Variants in MID1 observed in about 807,000 individuals in gnomAD.
MID1 encodes midline 1.
In MID1, 7 loss-of-function variants were observed where a neutral mutation model predicts 40.4. That is an observed-to-expected ratio of 0.17 (90% confidence interval 0.10 to 0.33). MID1 has a LOEUF of 0.33. Ranked by LOEUF, MID1 falls within the 10% of genes least tolerant of loss-of-function variation. The pLI, the probability that MID1 is intolerant of heterozygous loss-of-function variation, is 1.00. For missense variants in MID1, 367 were observed against 558.5 expected (o/e 0.66, Z 3.46); for synonymous variants, 229 against 221.2 (o/e 1.04, Z -0.31).
intron 1 of MID1, among the ~76,000 whole-genome samples, chrX:10,813,095 CT>C (rs948956151): frequency 9.1e-6 from 1 of 110,353 alleles, no homozygotes; most frequent in African/African-American, 3.3e-5. Context: ...GTGTCAGAGC[CT>C]TCACTCAGGT....
At chrX:10,456,706 G>A (rs1284790020) in intron 8 of MID1, among the ~76,000 whole-genome samples, 5 of 111,167 alleles carry the variant, frequency 4.5e-5, no homozygotes, top group Non-Finnish European at 9.4e-5. Context: ...GTGTGGTGGC[G>A]GACACCTGTA....
intron 1 of MID1, among the ~76,000 whole-genome samples, chrX:10,601,950 A>G (rs1448103826): frequency 4.8e-5 from 5 of 104,929 alleles, no homozygotes; most frequent in South Asian, 4.4e-4. Flanking sequence ...AGGCTGGAGT[A>G]CAGTGGCGCA....
intron 1 of MID1, among the ~76,000 whole-genome samples, chrX:10,787,950 A>G (rs1289242075): frequency 9.0e-6 from 1 of 111,189 alleles, no homozygotes; most frequent in Non-Finnish European, 1.9e-5. Flanking sequence ...TCATTATCAC[A>G]GTTCTTAATT....
chrX:10,489,086 T>A (rs1930784240), intron 4 of MID1, among the ~76,000 whole-genome samples: 1 of 112,038 alleles, frequency 8.9e-6, no homozygotes, highest in East Asian at 2.8e-4. Context: ...GGTGAAAGGC[T>A]TGTTTTCTTA....
intron 1 of MID1, among the ~76,000 whole-genome samples, chrX:10,802,032 A>G (rs752388801): frequency 9.1e-6 from 1 of 110,486 alleles, no homozygotes; most frequent in East Asian, 2.9e-4. Context: ...AACACAAAAA[A>G]TTAGCCAGGC....
rs191856623 is a variant in MID1, at chrX:10,724,504, A to T, written c.-186-104085T>A. On this transcript the variant is annotated intron_variant, in intron 1 of 10. Transcript: ENST00000380785. ...TGTATGGGAATGATGAGAATTGATT[A>T]TAGCATATGCAGCTGACTATAGTAA... Among the ~76,000 whole-genome samples, 452 of 112,068 alleles carry T rather than the reference A, an allele frequency of 4.0e-3. 5 individuals are homozygous for T. The highest frequency in any genetic ancestry group is 0.014 in the African/African-American group (434 of 30,854).
At chrX:10,644,038 GA>G (rs1190563586) in intron 1 of MID1, among the ~76,000 whole-genome samples, 1 of 111,094 alleles carries the variant, frequency 9.0e-6, no homozygotes, top group Non-Finnish European at 1.9e-5. Context: ...ATAGCATTAG[GA>G]GATATACCTT....
intron 1 of MID1, among the ~76,000 whole-genome samples, chrX:10,826,968 C>T (rs2044220486): frequency 9.0e-6 from 1 of 111,725 alleles, no homozygotes; most frequent in South Asian, 3.8e-4. Context: ...CTTTCCTTGT[C>T]CCATCTTCAT....
rs1000099684 is a variant in MID1 at position 10,778,036 on chromosome X, C to CT, written c.-187+55517dup. On this transcript the variant is annotated intron_variant, in intron 1 of 10. Transcript: ENST00000380785. Reference sequence around the variant, plus strand: ...CTGCCTAAGGCTGTTTTACAGTTAACTTTTTTTTCTTTAATAAGTAGAAGG... The same window carrying CT: ...CTGCCTAAGGCTGTTTTACAGTTAACTTTTTTTTTCTTTAATAAGTAGAAGG... Among the ~76,000 whole-genome samples, 4 of 111,111 alleles carry CT rather than the reference C, an allele frequency of 3.6e-5. No homozygotes were observed. In the East Asian group the frequency reaches 8.4e-4, roughly 23 times the overall value.
At chrX:10,708,210 C>A (rs1280101441) in intron 1 of MID1, among the ~76,000 whole-genome samples, 2 of 112,330 alleles carry the variant, frequency 1.8e-5, no homozygotes, top group Non-Finnish European at 3.8e-5. Flanking sequence ...GCACTGTATA[C>A]CACACATTAA....
At chrX:10,636,884 C>T (rs991971739) in intron 1 of MID1, among the ~76,000 whole-genome samples, 13 of 90,939 alleles carry the variant, frequency 1.4e-4, no homozygotes, top group Middle Eastern at 5.4e-3. Flanking sequence ...ATTCTTAAAA[C>T]GCTGTGTGTG....
rs149374657 is a variant in MID1, at chrX:10,607,864, C to G, written c.-57+12426G>C. ...GGATATATTTTGCACAACACAGTTT[C>G]TTTTTTGCTCTCAATATTTCAGTTA... On this transcript the variant is annotated intron_variant, in intron 1 of 9. Coordinates refer to ENST00000317552, the MANE Select transcript of MID1 (RefSeq NM_000381.4). Among the ~76,000 whole-genome samples the G allele has an allele frequency of 5.9e-3, 659 of 112,070 alleles. 2 individuals carry two copies. Among genetic ancestry groups the G allele is most frequent in the Non-Finnish European group, 1.0e-2 (531 of 53,229 alleles).
Position 10,582,301 on chromosome X carries a change from G to A in MID1, c.-56-14698C>T, listed in dbSNP as rs762719488. 3.7e-4 allele frequency among the ~76,000 whole-genome samples: 41 copies of A among 111,724 alleles called. 2 individuals carry two copies. The South Asian group carries it at 0.015, about 40-fold the overall frequency. On this transcript the variant is annotated intron_variant, in intron 1 of 9. Coordinates refer to ENST00000317552, the MANE Select transcript of MID1 (RefSeq NM_000381.4). ...AAACCTGCCTTCTCCCCTGGCGCGA[G>A]ATACTACCTCTATCTCCCAAGACTG...
intron 5 of MID1, among the ~76,000 whole-genome samples, chrX:10,476,989 A>G (rs1930049165): frequency 8.9e-6 from 1 of 112,742 alleles, no homozygotes; most frequent in African/African-American, 3.2e-5. Flanking sequence ...ACAAATATTT[A>G]TGAAGCCCTT....
intron 1 of MID1, among the ~76,000 whole-genome samples, chrX:10,824,695 TA>T (rs1466958549): frequency 8.9e-6 from 1 of 112,041 alleles, no homozygotes; most frequent in Admixed American, 9.5e-5. Context: ...CCATTTGTGC[TA>T]ACATGGGTCA....
At chrX:10,636,786 A>ATATATATATATATATATATATG (rs1491347759) in intron 1 of MID1, among the ~76,000 whole-genome samples, 24 of 7,422 alleles carry the variant, frequency 3.2e-3, no homozygotes, top group African/African-American at 9.4e-3. Context: ...AACAATGGGG[A>ATATATATATATATATATATATG]TATATATATA....
At chrX:10,559,640 G>A (rs909290947) in intron 2 of MID1, among the ~76,000 whole-genome samples, 2 of 111,728 alleles carry the variant, frequency 1.8e-5, no homozygotes, top group Non-Finnish European at 3.8e-5. Context: ...GGTAGGTGCA[G>A]TGATCCCTTT....
chrX:10,725,224 C>G (rs1432179258), intron 1 of MID1, among the ~76,000 whole-genome samples: 3 of 111,593 alleles, frequency 2.7e-5, no homozygotes, highest in Non-Finnish European at 5.6e-5. Flanking sequence ...ACTAAAGAAG[C>G]TCAGTGAATA....
chrX:10,621,794 C>G (rs1304292242), upstream of MID1, among the ~76,000 whole-genome samples: 1 of 109,126 alleles, frequency 9.2e-6, no homozygotes, highest in African/African-American at 3.4e-5. Flanking sequence ...CAGTCCACTT[C>G]TTGTACTTTT....
Sources: allele counts gnomAD v4.1 joint callset (sites outside exome capture counted in the v4.1 genomes callset), GRCh38; gene constraint gnomAD v4.1.1; transcripts MANE v1.5; gene names NCBI Gene and HGNC (gene_info 2026-07-23, HGNC 2026-07-21).